Variants in OSBPL1A observed in about 807,000 individuals in gnomAD.
OSBPL1A encodes the protein oxysterol binding protein like 1A, also known as oxysterol-binding protein-related protein 1.
OSBPL1A carries 80 observed loss-of-function variants against 137.1 expected under a neutral mutation model. The observed-to-expected ratio is 0.58, with a 90% CI of 0.49 to 0.70. The LOEUF (loss-of-function observed/expected upper bound fraction) is 0.70, where lower values mean the gene tolerates loss of function less well. Among genes scored for constraint, OSBPL1A ranks in the 30% least tolerant of loss-of-function variants. The pLI is 0.00. For synonymous variants in OSBPL1A, 365 were observed against 389.7 expected (o/e 0.94, Z 0.75); for missense variants, 970 against 1,129.4 (o/e 0.86, Z 2.02).
rs201294445 is a variant in OSBPL1A at position 24,377,448 on chromosome 18, G to C, written c.86C>G (p.Ala29Gly). The C allele has an allele frequency of 1.6e-5, 26 of 1,609,978 alleles. No individual in the cohort carries two copies. Among genetic ancestry groups the C allele is most frequent in the Non-Finnish European group, 2.0e-5 (24 of 1,179,180 alleles). The change falls in exon 2 of 28, where the codon GCG becomes GGG. Residue 29 changes from alanine (A) to glycine (G), a missense_variant. Coordinates refer to ENST00000319481, the MANE Select transcript of OSBPL1A (RefSeq NM_080597.4). ...EEVRQLLETM[A>G]RNEVIADINC... is the part of the protein sequence containing the mutation. ...AATGTCAGCAATCACTTCATTCCTC[G>C]CCATGGTCTCTAATAGTTGTCTTAC...
intron 1 of OSBPL1A, among the ~76,000 whole-genome samples, chr18:24,395,627 CTTTTT>C (rs1907680655): frequency 7.3e-6 from 1 of 136,678 alleles, no homozygotes; most frequent in Non-Finnish European, 1.6e-5. Context: ...TTTTTTTTTT[CTTTTT>C]TTTGTGAGAC....
intron 4 of OSBPL1A, among the ~76,000 whole-genome samples, chr18:24,361,356 T>C (rs1474826925): frequency 6.6e-6 from 1 of 152,230 alleles, no homozygotes; most frequent in Middle Eastern, 3.2e-3. Context: ...ATAATTATTC[T>C]GTAGGAACTT....
intron 4 of OSBPL1A, among the ~76,000 whole-genome samples, chr18:24,365,583 C>CA (rs879374674): frequency 0.017 from 1,583 of 94,342 alleles, 13 homozygotes; most frequent in African/African-American, 0.039. Flanking sequence ...GACTCGGTCT[C>CA]AAAAAAAAAA....
intron 1 of OSBPL1A, among the ~76,000 whole-genome samples, chr18:24,396,238 A>AG (rs1309326882): frequency 5.9e-5 from 9 of 151,280 alleles, no homozygotes; most frequent in African/African-American, 1.2e-4. Context: ...AAAAAAAAAA[A>AG]AGAGACAGAG....
chr18:24,234,763 T>C (rs2088406367), intron 16 of OSBPL1A, among the ~76,000 whole-genome samples: 1 of 152,246 alleles, frequency 6.6e-6, no homozygotes, highest in Non-Finnish European at 1.5e-5. Context: ...TTAGTGAAAA[T>C]ATTTTTTAAA....
chr18:24,357,309 A>T (rs1016214820), intron 4 of OSBPL1A: 8 of 152,288 alleles, frequency 5.3e-5, no homozygotes, highest in Middle Eastern at 6.8e-3. Context: ...TGGCTCCATG[A>T]ATCTGCATGT....
intron 14 of OSBPL1A, among the ~76,000 whole-genome samples, chr18:24,302,009 A>G (rs968843777): frequency 6.6e-6 from 1 of 152,170 alleles, no homozygotes; most frequent in African/African-American, 2.4e-5. Context: ...CGGGTGGATC[A>G]CAAGGTCAGG....
intron 4 of OSBPL1A, among the ~76,000 whole-genome samples, chr18:24,353,568 G>A (rs1001483249): frequency 6.6e-6 from 1 of 151,626 alleles, no homozygotes; most frequent in Non-Finnish European, 1.5e-5. Flanking sequence ...CCATTACTGG[G>A]TATATACCCA....
chr18:24,199,588 T>C (rs751625135), intron 17 of OSBPL1A, among the ~76,000 whole-genome samples: 1 of 151,914 alleles, frequency 6.6e-6, no homozygotes, highest in Non-Finnish European at 1.5e-5. Context: ...CAACTGGGAG[T>C]TTAAGTATTT....
intron 15 of OSBPL1A, among the ~76,000 whole-genome samples, chr18:24,253,887 T>C (rs1599568620): frequency 2.0e-5 from 3 of 152,310 alleles, no homozygotes; most frequent in Admixed American, 2.0e-4. Context: ...GCATGACCCC[T>C]AAACTGTAAT....
chr18:24,264,195 C>T (rs1292391758), intron 15 of OSBPL1A, among the ~76,000 whole-genome samples: 1 of 151,990 alleles, frequency 6.6e-6, no homozygotes, highest in African/African-American at 2.4e-5. Context: ...TTTGAATTCT[C>T]TTAAGGCCAA....
chr18:24,196,246 T>A (rs534546584), intron 17 of OSBPL1A, 46 bp from the exon 18 acceptor site: 1 of 1,353,936 alleles, frequency 7.4e-7, no homozygotes, highest in Admixed American at 1.8e-5. Context: ...AATGCCATTG[T>A]CAGCAGGAGG....
chr18:24,164,965 AG>A, intron 27 of OSBPL1A, 99 bp downstream of exon 27: 1 of 1,172,848 alleles, frequency 8.5e-7, no homozygotes, highest in Non-Finnish European at 1.2e-6. Flanking sequence ...TGTGTTAGAT[AG>A]GCCCTTGCTC....
intron 1 of OSBPL1A, among the ~76,000 whole-genome samples, chr18:24,380,563 A>G (rs1036047615): frequency 1.3e-5 from 2 of 152,188 alleles, no homozygotes; most frequent in Non-Finnish European, 2.9e-5. Flanking sequence ...AGGATCCCAC[A>G]TCTGGTCCCT....
intron 24 of OSBPL1A, among the ~76,000 whole-genome samples, chr18:24,170,025 G>A (rs913062566): frequency 4.1e-4 from 62 of 152,294 alleles, no homozygotes; most frequent in African/African-American, 1.5e-3. Flanking sequence ...ACATAAACAG[G>A]AGGAAAAGAA....
chr18:24,296,291 T>C (rs1165688280), intron 14 of OSBPL1A, among the ~76,000 whole-genome samples: 1 of 152,188 alleles, frequency 6.6e-6, no homozygotes, highest in East Asian at 1.9e-4. Flanking sequence ...ACTTCTTGAT[T>C]TGATTCTCAG....
At chr18:24,225,010 G>A (rs762483867) in intron 17 of OSBPL1A, 32 bp downstream of exon 17, 9 of 1,611,150 alleles carry the variant, frequency 5.6e-6, no homozygotes, top group South Asian at 1.1e-5. Context: ...TCGTAAAAAC[G>A]CAGCAGTGAC....
At chr18:24,195,174 G>T (rs74998138) in intron 18 of OSBPL1A, among the ~76,000 whole-genome samples, 1 of 152,064 alleles carries the variant, frequency 6.6e-6, no homozygotes, top group African/African-American at 2.4e-5. Context: ...GGCACGACGC[G>T]CCTGTGGTCC....
At chr18:24,318,502 A>G (rs770228278) in intron 9 of OSBPL1A, 99 bp downstream of exon 9, 13 of 1,026,600 alleles carry the variant, frequency 1.3e-5, no homozygotes, top group Non-Finnish European at 1.9e-5. Flanking sequence ...ATTAAATCAC[A>G]TATACTTCAG....
Sources: allele counts gnomAD v4.1 joint callset (sites outside exome capture counted in the v4.1 genomes callset), GRCh38; gene constraint gnomAD v4.1.1; transcripts MANE v1.5; gene names NCBI Gene and HGNC (gene_info 2026-07-23, HGNC 2026-07-21).